Variants in SLIT2 observed in about 807,000 individuals in gnomAD.
SLIT2 encodes slit homolog 2 protein.
A neutral mutation model predicts 185.7 loss-of-function variants in SLIT2; 41 were observed. The observed-to-expected ratio is 0.22, with a 90% CI of 0.17 to 0.29. The LOEUF is 0.29. SLIT2 is among the 10% of genes least tolerant of loss of function. The pLI is 1.00. For missense variants in SLIT2, 1,571 were observed against 1,909.0 expected, an observed-to-expected ratio of 0.82 and a Z score of 3.30; for synonymous variants, 693 against 680.2, an observed-to-expected ratio of 1.02 and a Z score of -0.29.
At chr4:20,399,073 A>G (rs545945330) in intron 4 of SLIT2, among the ~76,000 whole-genome samples, 3 of 151,838 alleles carry the variant, frequency 2.0e-5, no homozygotes, top group African/African-American at 7.2e-5. Flanking sequence ...AATCTTGTAA[A>G]ACATGCCAAG....
rs185656906 is a variant in SLIT2, at chr4:20,398,559, C to T, written c.396-69193C>T. On this transcript the variant is annotated intron_variant, in intron 4 of 36. Coordinates refer to ENST00000504154, the MANE Select transcript of SLIT2 (RefSeq NM_004787.4). ...GATGTTTTATCTACTTTCAGCTGGA[C>T]TCTCTTTTATCATCGCAGGTTTCTT... Among the ~76,000 whole-genome samples the T allele has an allele frequency of 1.7e-3, 254 of 151,848 alleles. 2 individuals carry two copies. The highest frequency in any genetic ancestry group is 6.0e-3 in the African/African-American group (248 of 41,498).
intron 4 of SLIT2, among the ~76,000 whole-genome samples, chr4:20,394,118 C>A (rs1725684484): frequency 6.6e-6 from 1 of 151,838 alleles, no homozygotes; most frequent in African/African-American, 2.4e-5. Context: ...AGTGTGAGAA[C>A]CTCCATCATT....
intron 6 of SLIT2, among the ~76,000 whole-genome samples, chr4:20,481,929 C>T (rs140157926): frequency 1.3e-5 from 2 of 152,124 alleles, no homozygotes; most frequent in East Asian, 3.9e-4. Flanking sequence ...TCTCTAACAA[C>T]AGGAGAGGCC....
In SLIT2 at chr4:20,528,864, T is replaced by C. The variant is rs1721531573; in HGVS notation, c.1463-85T>C. ...TGTCTCCCTGCTACATAATCTATAG[T>C]TATCTTACTTTTTTCTTCCTACAAA... On this transcript the variant is annotated intron_variant, in intron 15 of 36. Coordinates refer to ENST00000504154, the MANE Select transcript of SLIT2 (RefSeq NM_004787.4). The surrounding 1 kb of genome is among the most constrained non-coding windows in gnomAD (Gnocchi z 4.2). 2 of 1,090,456 alleles carry C rather than the reference T, an allele frequency of 1.8e-6. No homozygotes were observed. The highest frequency in any genetic ancestry group is 2.6e-6 in the Non-Finnish European group (2 of 758,134). 67.5% of individuals were successfully genotyped at this position (1,090,456 alleles called of 1,614,324 possible).
rs577535703 is a variant in SLIT2, at chr4:20,279,193, C to T, written c.395+10312C>T. On this transcript the variant is annotated intron_variant, in intron 4 of 36. Coordinates refer to ENST00000504154, the MANE Select transcript of SLIT2 (RefSeq NM_004787.4). The stretch of plus-strand genomic sequence containing the variant: ...GTATTGAGGTTGGGAAATAAAATAT[C>T]GAGAAATACTCTGTATTGTACTTGG... Among the ~76,000 whole-genome samples, 8 of 152,224 alleles carry T rather than the reference C, an allele frequency of 5.3e-5. No individual in the cohort carries two copies. In the South Asian group the frequency reaches 1.5e-3, roughly 28 times the overall value.
intron 4 of SLIT2, among the ~76,000 whole-genome samples, chr4:20,361,325 C>T (rs1011944259): frequency 6.6e-6 from 1 of 152,082 alleles, no homozygotes; most frequent in Non-Finnish European, 1.5e-5. Context: ...CCCGTCCACC[C>T]ATCTACCCAT....
At chr4:20,304,436 G>A (rs954272953) in intron 4 of SLIT2, among the ~76,000 whole-genome samples, 2 of 152,180 alleles carry the variant, frequency 1.3e-5, no homozygotes, top group Non-Finnish European at 2.9e-5. Context: ...TTTGACTCCA[G>A]TGAAACACAC....
At chr4:20,298,182 G>A (rs986892910) in intron 4 of SLIT2, among the ~76,000 whole-genome samples, 3 of 151,054 alleles carry the variant, frequency 2.0e-5, no homozygotes, top group Non-Finnish European at 4.4e-5. Context: ...TCCACCTCCC[G>A]GATTCAAGCC....
chr4:20,319,501 A>T (rs2109158817), intron 4 of SLIT2, among the ~76,000 whole-genome samples: 1 of 152,240 alleles, frequency 6.6e-6, no homozygotes, highest in South Asian at 2.1e-4. Flanking sequence ...CATCATATTG[A>T]TTTTTACTTT....
intron 6 of SLIT2, among the ~76,000 whole-genome samples, chr4:20,483,034 T>C (rs996368232): frequency 2.0e-5 from 3 of 152,022 alleles, no homozygotes; most frequent in Non-Finnish European, 2.9e-5. Flanking sequence ...GAAAGATGAC[T>C]GTCTGTTTTG....
chr4:20,294,420 T>A (rs1040321394), intron 4 of SLIT2, among the ~76,000 whole-genome samples: 1 of 151,876 alleles, frequency 6.6e-6, no homozygotes, highest in Non-Finnish European at 1.5e-5. Context: ...CAGGTAAATA[T>A]ACAAAGGTCT....
chr4:20,556,058 A>G (rs1184854022), intron 26 of SLIT2, among the ~76,000 whole-genome samples: 1 of 152,184 alleles, frequency 6.6e-6, no homozygotes, highest in East Asian at 1.9e-4. Context: ...ATAATTATTT[A>G]TCAATATTTT....
At chr4:20,507,674 T>G (rs1184350133) in intron 9 of SLIT2, among the ~76,000 whole-genome samples, 2 of 151,688 alleles carry the variant, frequency 1.3e-5, no homozygotes, top group African/African-American at 4.8e-5. Flanking sequence ...ATGAATGAAT[T>G]AATGATTATT....
At chr4:20,271,483 T>TA in intron 4 of SLIT2, among the ~76,000 whole-genome samples, 1 of 135,148 alleles carries the variant, frequency 7.4e-6, no homozygotes, top group Admixed American at 7.7e-5. Flanking sequence ...ATAATTTATA[T>TA]TTATATATTA....
chr4:20,595,895 T>G, intron 31 of SLIT2, 61 bp downstream of exon 31: 1 of 1,338,802 alleles, frequency 7.5e-7, no homozygotes, highest in South Asian at 1.2e-5. Context: ...AGGGTGACTA[T>G]AGTCAGTAAT....
chr4:20,508,413 A>G (rs182618863), intron 9 of SLIT2, among the ~76,000 whole-genome samples: 1 of 152,216 alleles, frequency 6.6e-6, no homozygotes, highest in East Asian at 1.9e-4. Flanking sequence ...TACATGTCCA[A>G]TAATAAGAAA....
intron 4 of SLIT2, among the ~76,000 whole-genome samples, chr4:20,427,030 G>T (rs1728614583): frequency 6.6e-6 from 1 of 152,226 alleles, no homozygotes; most frequent in Middle Eastern, 3.4e-3. Context: ...AACATTTATG[G>T]TATAGCTGTC....
chr4:20,442,286 G>T (rs951784444), intron 4 of SLIT2, among the ~76,000 whole-genome samples: 2 of 152,128 alleles, frequency 1.3e-5, no homozygotes, highest in African/African-American at 4.8e-5. Context: ...TTGGAAGGCC[G>T]AGGCGGGCGG....
chr4:20,526,414 A>G (rs1017935051), intron 15 of SLIT2, among the ~76,000 whole-genome samples: 2 of 152,152 alleles, frequency 1.3e-5, no homozygotes, highest in African/African-American at 4.8e-5. Context: ...TTAAGTGGAA[A>G]GTAATCTGAT....
Sources: gnomAD v4.1 joint callset for allele counts (sites outside exome capture counted in the v4.1 genomes callset) on GRCh38, gnomAD v4.1.1 for gene constraint, Gnocchi (gnomAD v3.1) non-coding constraint, MANE v1.5 for transcripts, NCBI Gene and HGNC (gene_info 2026-07-23, HGNC 2026-07-21) for gene names.